The following LDB2 variants were observed in gnomAD, a reference collection of about 807,000 sequenced individuals.
The protein encoded by LDB2 is LIM domain binding 2.
A neutral mutation model predicts 44.3 loss-of-function variants in LDB2; 12 were observed. That is an observed-to-expected ratio of 0.27 (90% CI 0.17 to 0.44). LDB2 has a LOEUF of 0.44. LDB2 is among the 20% of genes least tolerant of loss of function. The pLI, the probability that LDB2 is intolerant of heterozygous loss-of-function variation, is 1.00. For missense variants in LDB2, 344 were observed against 473.5 expected, an observed-to-expected ratio of 0.73 and a Z score of 2.54; for synonymous variants, 164 against 174.8, an observed-to-expected ratio of 0.94 and a Z score of 0.49.
intron 2 of LDB2, among the ~76,000 whole-genome samples, chr4:16,710,346 T>G (rs1433506633): frequency 6.6e-6 from 1 of 152,162 alleles, no homozygotes; most frequent in Non-Finnish European, 1.5e-5. Flanking sequence ...AAATGCCTTG[T>G]TTGACAGTCA....
intron 1 of LDB2, among the ~76,000 whole-genome samples, chr4:16,788,381 C>A (rs1286237651): frequency 2.0e-5 from 3 of 152,186 alleles, no homozygotes; most frequent in Admixed American, 1.3e-4. Flanking sequence ...CCTCAAGCAA[C>A]CCTTGGCAAC....
At position 16,821,746 on chromosome 4, in the gene LDB2, C is replaced by CAA. The variant is rs562184189; in HGVS notation, c.133-62488_133-62487dup. 1.2e-3 allele frequency among the ~76,000 whole-genome samples: 75 copies of CAA among 61,732 alleles called. 6 individuals are homozygous for CAA. Among genetic ancestry groups the CAA allele is most frequent in the African/African-American group, 4.3e-3 (68 of 15,776 alleles). The allele number at this position is 61,732 out of a possible 152,430, so 40.5% of individuals were successfully genotyped here. ...AATGGAAACCATTCCAACATTAAAG[C>CAA]AAAAAAAAAAAAAAAAAAAAAAAAT... On this transcript the variant is annotated intron_variant, in intron 1 of 7. Transcript: ENST00000304523.
intron 2 of LDB2, among the ~76,000 whole-genome samples, chr4:16,705,384 T>C (rs556046220): frequency 6.6e-6 from 1 of 152,234 alleles, no homozygotes; most frequent in South Asian, 2.1e-4. Context: ...TAAGGGAAAG[T>C]GGATAGAAGT....
intron 7 of LDB2, among the ~76,000 whole-genome samples, chr4:16,503,891 A>G (rs563953238): frequency 6.6e-6 from 1 of 152,302 alleles, no homozygotes; most frequent in East Asian, 1.9e-4. Flanking sequence ...GGGAAGAAGA[A>G]TGCATACACA....
At chr4:16,532,660 T>A (rs1045734933) in intron 5 of LDB2, among the ~76,000 whole-genome samples, 9 of 152,202 alleles carry the variant, frequency 5.9e-5, no homozygotes, top group African/African-American at 2.2e-4. Flanking sequence ...AAATACTTGA[T>A]AAATGTTGCT....
At chr4:16,523,621 C>G (rs139475848) in intron 5 of LDB2, among the ~76,000 whole-genome samples, 139 of 152,036 alleles carry the variant, frequency 9.1e-4, no homozygotes, top group African/African-American at 3.1e-3. Flanking sequence ...TGTATCCAGG[C>G]TACTCAGGGA....
chr4:16,520,229 T>C (rs1318868284), intron 5 of LDB2, among the ~76,000 whole-genome samples: 3 of 150,946 alleles, frequency 2.0e-5, no homozygotes, highest in Non-Finnish European at 4.4e-5. Context: ...AAAAACAAAC[T>C]CTTATCTAAG....
At chr4:16,891,304 CTTTTTTTTTTT>C (rs559119712) in intron 1 of LDB2, among the ~76,000 whole-genome samples, 7 of 77,548 alleles carry the variant, frequency 9.0e-5, no homozygotes, top group African/African-American at 1.0e-4. Context: ...CTTAAGTATT[CTTTTTTTTTTT>C]TTTTTTTTTT....
chr4:16,516,027 C>G lies in LDB2; in HGVS notation c.616-3923G>C, dbSNP rs191072883. Among the ~76,000 whole-genome samples, 170 of 152,134 alleles carry G rather than the reference C, an allele frequency of 1.1e-3. 3 individuals are homozygous for G. The highest frequency in any genetic ancestry group is 0.011 in the Admixed American group (170 of 15,278). ...TACAGGCGCCCGCCACCACGCCCAG[C>G]TAATTTTTTGTATTTTTTTTAGTAG... On this transcript the variant is annotated intron_variant, in intron 5 of 7. Coordinates refer to ENST00000304523, the MANE Select transcript of LDB2 (RefSeq NM_001290.5).
At chr4:16,835,126 C>T (rs544068623) in intron 1 of LDB2, among the ~76,000 whole-genome samples, 1 of 152,230 alleles carries the variant, frequency 6.6e-6, no homozygotes, top group East Asian at 1.9e-4. Flanking sequence ...GAATAGAGGC[C>T]TTAATTTCAT....
chr4:16,541,937 A>C (rs1375606979), intron 5 of LDB2, among the ~76,000 whole-genome samples: 3 of 152,062 alleles, frequency 2.0e-5, no homozygotes, highest in Non-Finnish European at 4.4e-5. Flanking sequence ...TTTGCTGTAC[A>C]TGGTTTTTTC....
At chr4:16,636,139 C>G (rs951414972) in intron 2 of LDB2, among the ~76,000 whole-genome samples, 1 of 152,292 alleles carries the variant, frequency 6.6e-6, no homozygotes, top group African/African-American at 2.4e-5. Flanking sequence ...TACACTGGGG[C>G]AAATCCTAAA....
intron 2 of LDB2, among the ~76,000 whole-genome samples, chr4:16,613,458 T>G (rs1726230622): frequency 6.6e-6 from 1 of 152,100 alleles, no homozygotes. Flanking sequence ...AATGCAAAAT[T>G]CAGTCATCCA....
intron 1 of LDB2, among the ~76,000 whole-genome samples, chr4:16,881,556 T>C (rs1227680507): frequency 1.3e-5 from 2 of 151,878 alleles, no homozygotes; most frequent in Non-Finnish European, 2.9e-5. Context: ...TTTGCTTTCT[T>C]CCTAAAGTTC....
intron 2 of LDB2, among the ~76,000 whole-genome samples, chr4:16,620,963 C>T (rs573447381): frequency 5.5e-4 from 84 of 152,338 alleles, no homozygotes; most frequent in Admixed American, 1.4e-3. Flanking sequence ...CGCTTTATCA[C>T]GGTGTCCTTT....
intron 2 of LDB2, among the ~76,000 whole-genome samples, chr4:16,735,051 T>C (rs1008625009): frequency 6.6e-6 from 1 of 152,128 alleles, no homozygotes; most frequent in Non-Finnish European, 1.5e-5. Context: ...TGAAATGCCA[T>C]CACATGGGTA....
chr4:16,780,160 T>C (rs1373632875), intron 1 of LDB2, among the ~76,000 whole-genome samples: 1 of 152,174 alleles, frequency 6.6e-6, no homozygotes, highest in Admixed American at 6.5e-5. Flanking sequence ...TTATTACTAG[T>C]AAGAATTGGT....
At chr4:16,677,695 G>A (rs1378853156) in intron 2 of LDB2, among the ~76,000 whole-genome samples, 3 of 152,212 alleles carry the variant, frequency 2.0e-5, no homozygotes, top group Non-Finnish European at 4.4e-5. Context: ...AGGCACTCAT[G>A]TAATTTATTG....
At chr4:16,683,727 A>G (rs776824036) in intron 2 of LDB2, among the ~76,000 whole-genome samples, 150 of 152,354 alleles carry the variant, frequency 9.8e-4, no homozygotes, top group African/African-American at 2.5e-3. Flanking sequence ...GTTAGATTCC[A>G]TAATAGATGA....
Sources: allele counts gnomAD v4.1 joint callset (sites outside exome capture counted in the v4.1 genomes callset), GRCh38; gene constraint gnomAD v4.1.1; transcripts MANE v1.5; gene names NCBI Gene and HGNC (gene_info 2026-07-23, HGNC 2026-07-21).